Variants in ZNF609 observed in about 807,000 individuals in gnomAD.
ZNF609 encodes the protein zinc finger protein 609.
Under a neutral mutation model 109.5 loss-of-function variants are expected in ZNF609, and 11 were observed. The ratio of observed to expected loss-of-function variants is 0.10; its 90% confidence interval spans 0.06 to 0.17. ZNF609 has a LOEUF of 0.17. Among genes scored for constraint, ZNF609 ranks in the 10% least tolerant of loss-of-function variants. The probability of loss-of-function intolerance (pLI) is 1.00; values close to 1 mark genes in which losing one functional copy is unlikely to be tolerated. For missense variants in ZNF609, 1,559 were observed against 1,772.4 expected (o/e 0.88, Z 2.16); for synonymous variants, 646 against 662.0 (o/e 0.98, Z 0.37).
intron 2 of ZNF609, among the ~76,000 whole-genome samples, chr15:64,567,632 G>C (rs1894798018): frequency 6.6e-6 from 1 of 152,030 alleles, no homozygotes; most frequent in South Asian, 2.1e-4. Context: ...ATTGTGGCAA[G>C]ATATTTTCCC....
At chr15:64,609,590 G>A (rs146520770) in intron 2 of ZNF609, among the ~76,000 whole-genome samples, 4,271 of 151,614 alleles carry the variant, frequency 0.028, 77 homozygotes, top group South Asian at 0.058. Flanking sequence ...GATTACAGGC[G>A]TGAGCCACGG....
intron 1 of ZNF609, among the ~76,000 whole-genome samples, chr15:64,478,865 A>T (rs562232076): frequency 1.6e-4 from 25 of 152,300 alleles, no homozygotes; most frequent in African/African-American, 5.8e-4. Flanking sequence ...AGTACATAAC[A>T]TATTACTGAT....
At chr15:64,539,332 C>CA (rs1894209187) in intron 2 of ZNF609, among the ~76,000 whole-genome samples, 1 of 150,868 alleles carries the variant, frequency 6.6e-6, no homozygotes, top group Non-Finnish European at 1.5e-5. Flanking sequence ...CTCAGCCTCC[C>CA]AAGTAGCTGG....
At chr15:64,509,556 T>C (rs922245259) in intron 2 of ZNF609, among the ~76,000 whole-genome samples, 3 of 152,206 alleles carry the variant, frequency 2.0e-5, no homozygotes, top group African/African-American at 7.2e-5. Flanking sequence ...TAGCTAATAT[T>C]CCAGCTCCTA....
In ZNF609 at chr15:64,674,497, G is replaced by C; in HGVS notation, c.1643G>C (p.Cys548Ser). 6.2e-7 allele frequency: 1 copy of C among 1,614,162 alleles called. No homozygotes were observed. The highest frequency in any genetic ancestry group is 8.5e-7 in the Non-Finnish European group (1 of 1,180,014). Residue 548 changes from cysteine to serine, a missense_variant, in exon 5 of 10, where the codon TGC (cysteine) becomes TCC (serine). This residue lies in a region of ZNF609 where 1,204 missense variants were observed against 1,314.1 expected (regional missense o/e 0.92). Transcript: ENST00000326648. ...EPILHADLGS[C>S]NGASVSQKGS... ...ATTCTCCATGCAGATCTTGGGAGCT[G>C]CAACGGTGCATCTGTCTCACAAAAA... is the stretch of plus-strand genomic sequence containing the variant.
At chr15:64,460,425 C>G (rs1015880351), upstream of ZNF609, among the ~76,000 whole-genome samples, 42 of 152,270 alleles carry the variant, frequency 2.8e-4, 1 homozygote, top group African/African-American at 1.0e-3. Flanking sequence ...CTAATCTGGG[C>G]TCCGGGTGAG....
At chr15:64,484,546 C>T (rs1276934737) in intron 1 of ZNF609, among the ~76,000 whole-genome samples, 3 of 151,264 alleles carry the variant, frequency 2.0e-5, no homozygotes, top group Non-Finnish European at 2.9e-5. Flanking sequence ...CGTGGTGGCG[C>T]GTGCCTGTAA....
intron 3 of ZNF609, among the ~76,000 whole-genome samples, chr15:64,638,576 A>G (rs868725772): frequency 1.2e-4 from 19 of 152,042 alleles, no homozygotes; most frequent in African/African-American, 4.3e-4. Context: ...CAAGTCACTG[A>G]TATCATTTAG....
intron 3 of ZNF609, among the ~76,000 whole-genome samples, chr15:64,645,734 A>G (rs1896325946): frequency 6.6e-6 from 1 of 152,196 alleles, no homozygotes; most frequent in Admixed American, 6.5e-5. Flanking sequence ...TTGAATAGAC[A>G]TTTTGCCAAA....
At chr15:64,473,475 G>T (rs1008917121) in intron 1 of ZNF609, among the ~76,000 whole-genome samples, 1 of 151,848 alleles carries the variant, frequency 6.6e-6, no homozygotes, top group African/African-American at 2.4e-5. Context: ...GGGATTACAG[G>T]CATGAGCCAC....
intron 1 of ZNF609, among the ~76,000 whole-genome samples, chr15:64,480,902 T>C (rs748159493): frequency 1.3e-5 from 2 of 152,206 alleles, no homozygotes; most frequent in Non-Finnish European, 2.9e-5. Context: ...AGAGCAAATG[T>C]GGTTTTGACT....
intron 2 of ZNF609, among the ~76,000 whole-genome samples, chr15:64,594,746 G>A (rs1895360944): frequency 6.6e-6 from 1 of 151,942 alleles, no homozygotes; most frequent in East Asian, 1.9e-4. Context: ...ATGTGTCTCG[G>A]CCGGGCGCGG....
At chr15:64,631,502 T>C in intron 3 of ZNF609, 1 of 684,226 alleles carries the variant, frequency 1.5e-6, no homozygotes, top group South Asian at 1.4e-5. Context: ...GATTCGCATA[T>C]ACATGGCCAA....
At chr15:64,656,677 T>G (rs1382146058) in intron 3 of ZNF609, among the ~76,000 whole-genome samples, 1 of 151,622 alleles carries the variant, frequency 6.6e-6, no homozygotes, top group Non-Finnish European at 1.5e-5. Context: ...TTTTCTTTCT[T>G]TCTCCTTCCT....
Position 64,680,185 on chromosome 15 carries a change from G to T in ZNF609, c.3770G>T (p.Gly1257Val). The T allele has an allele frequency of 6.2e-7, 1 of 1,613,924 alleles. No individual in the cohort carries two copies. Among genetic ancestry groups the T allele is most frequent in the Non-Finnish European group, 8.5e-7 (1 of 1,179,922 alleles). ...GACTGTTTGATTTCTCCTTCCACAG[G>T]TTCCTACCTGCCTTCCAGCTACTCT... is the stretch of plus-strand genomic sequence containing the variant. ...MPAVMMQNYP[G>V]SYLPSSYSFS... The change falls in exon 7 of 10, where the codon GGT becomes GTT. Residue 1257 changes from glycine to valine, a missense_variant and splice_region_variant. Transcript: ENST00000326648.
At chr15:64,597,043 C>T (rs1229764677) in intron 2 of ZNF609, among the ~76,000 whole-genome samples, 2 of 152,014 alleles carry the variant, frequency 1.3e-5, no homozygotes, top group African/African-American at 2.4e-5. Context: ...TCTCACCTAC[C>T]CACTTGACTC....
At chr15:64,476,768 C>T (rs1893176573) in intron 1 of ZNF609, among the ~76,000 whole-genome samples, 1 of 152,278 alleles carries the variant, frequency 6.6e-6, no homozygotes, top group Non-Finnish European at 1.5e-5. Context: ...TGGGATTTAC[C>T]CTTCTGCTGA....
intron 2 of ZNF609, among the ~76,000 whole-genome samples, chr15:64,524,730 T>G (rs1893946328): frequency 6.6e-6 from 1 of 152,150 alleles, no homozygotes; most frequent in Non-Finnish European, 1.5e-5. Context: ...GATATTTGGG[T>G]TTTTTCCTTA....
Position 64,500,154 on chromosome 15 carries a change from C to T in ZNF609, c.735C>T (p.Val245=), listed in dbSNP as rs1284287857. 1.9e-6 allele frequency: 3 copies of T among 1,613,342 alleles called. No individual in the cohort carries two copies. The highest frequency in any genetic ancestry group is 2.5e-6 in the Non-Finnish European group (3 of 1,179,974). Residue 245 remains valine, a synonymous_variant, in exon 2 of 10, where the codon GTC becomes GTT. Transcript: ENST00000326648. ...ATGAGTGTCGCCTGCTAAAGAAAGT[C>T]AAGTCTGAAAAGGTAAGAGGTGGCC... The part of the protein sequence containing the change: ...GENECRLLKK[V]KSEKMESPVS...
Sources: gnomAD v4.1 joint callset for allele counts (sites outside exome capture counted in the v4.1 genomes callset) on GRCh38, gnomAD v4.1.1 for gene constraint, gnomAD v4.1.1 regional missense constraint, MANE v1.5 for transcripts, NCBI Gene and HGNC (gene_info 2026-07-23, HGNC 2026-07-21) for gene names.